DNAAF9: variants seen among roughly 807,000 people sequenced by gnomAD.
The protein encoded by DNAAF9 is shulin.
Under a neutral mutation model 167.0 loss-of-function variants are expected in DNAAF9, and 90 were observed. The ratio of observed to expected loss-of-function variants is 0.54; its 90% confidence interval spans 0.45 to 0.64. DNAAF9 has a LOEUF of 0.64. DNAAF9 is among the 30% of genes least tolerant of loss of function. The pLI is 0.00. For synonymous variants in DNAAF9, 491 were observed against 508.8 expected (o/e 0.96, Z 0.47); for missense variants, 1,315 against 1,442.2 (o/e 0.91, Z 1.43).
chr20:3,271,334 C>T (rs1185549374), intron 29 of DNAAF9, among the ~76,000 whole-genome samples: 4 of 152,086 alleles, frequency 2.6e-5, no homozygotes, highest in African/African-American at 9.7e-5. Context: ...CCACATGATT[C>T]CAAGATAAAT....
At chr20:3,307,830 G>A (rs138064754) in intron 20 of DNAAF9, among the ~76,000 whole-genome samples, 308 of 152,170 alleles carry the variant, frequency 2.0e-3, no homozygotes, top group Middle Eastern at 6.8e-3. Context: ...AAAACTGGCT[G>A]TACAAATAAA....
chr20:3,257,610 C>G (rs1298020486), intron 33 of DNAAF9, among the ~76,000 whole-genome samples: 2 of 152,158 alleles, frequency 1.3e-5, no homozygotes, highest in East Asian at 3.9e-4. Flanking sequence ...GTGGCACAAT[C>G]TCGGCTCACT....
At chr20:3,302,375 T>C (rs1208743036) in intron 21 of DNAAF9, among the ~76,000 whole-genome samples, 1 of 152,196 alleles carries the variant, frequency 6.6e-6, no homozygotes, top group Admixed American at 6.5e-5. Flanking sequence ...AACTCAAACA[T>C]TTATCATTCA....
chr20:3,317,620 A>G (rs1707609257), intron 17 of DNAAF9, among the ~76,000 whole-genome samples: 1 of 150,018 alleles, frequency 6.7e-6, no homozygotes, highest in South Asian at 2.1e-4. Context: ...TTTTTGAGAC[A>G]GAGTCTCACT....
chr20:3,309,741 T>C (rs112283664), intron 20 of DNAAF9, among the ~76,000 whole-genome samples: 6 of 152,292 alleles, frequency 3.9e-5, no homozygotes, highest in African/African-American at 9.6e-5. Flanking sequence ...ATCTAAAATA[T>C]ATGAATCACA....
chr20:3,290,467 G>A (rs1478742609), intron 25 of DNAAF9, among the ~76,000 whole-genome samples: 1 of 152,186 alleles, frequency 6.6e-6, no homozygotes, highest in Non-Finnish European at 1.5e-5. Flanking sequence ...AAAATGTAGT[G>A]TTACTAGTTT....
Position 3,362,270 on chromosome 20 carries a change from C to T in DNAAF9, c.613-2677G>A, listed in dbSNP as rs1180567535. Reference sequence around the variant, plus strand: ...CCTTTCTGGCTTTCTTCGAGTTCTTCCAACAGTTGGAAATTGCAAGGGACT... The same window carrying T: ...CCTTTCTGGCTTTCTTCGAGTTCTTTCAACAGTTGGAAATTGCAAGGGACT... On this transcript the variant is annotated intron_variant, in intron 6 of 36. Coordinates refer to ENST00000252032, the MANE Select transcript of DNAAF9 (RefSeq NM_001009984.3). 3 of 1,300,636 alleles carry T rather than the reference C, an allele frequency of 2.3e-6. 1 individual carries two copies. In the Admixed American group the frequency reaches 5.1e-5, roughly 22 times the overall value. 80.6% of individuals were successfully genotyped at this position (1,300,636 alleles called of 1,614,324 possible).
chr20:3,394,310 G>C (rs1369277928), intron 1 of DNAAF9, among the ~76,000 whole-genome samples: 1 of 149,806 alleles, frequency 6.7e-6, no homozygotes, highest in African/African-American at 2.5e-5. Context: ...TGCACTCCCG[G>C]CCTGGAGACA....
intron 20 of DNAAF9, among the ~76,000 whole-genome samples, chr20:3,313,400 A>G (rs1308147697): frequency 6.6e-6 from 1 of 152,232 alleles, no homozygotes; most frequent in Non-Finnish European, 1.5e-5. Flanking sequence ...TGAACCAGTG[A>G]TCTGAGAACA....
intron 10 of DNAAF9, among the ~76,000 whole-genome samples, chr20:3,339,411 T>A (rs1330991397): frequency 1.3e-5 from 2 of 152,242 alleles, no homozygotes; most frequent in Non-Finnish European, 2.9e-5. Context: ...AGACTTTTAA[T>A]GTGGGATTTT....
At chr20:3,278,988 A>G in intron 28 of DNAAF9, 39 bp from the exon 29 acceptor site, 1 of 1,436,278 alleles carries the variant, frequency 7.0e-7, no homozygotes, top group Non-Finnish European at 9.8e-7. Context: ...AAAACCATTC[A>G]CCTCAGAGTT....
chr20:3,378,309 T>G (rs2083602490), intron 3 of DNAAF9, among the ~76,000 whole-genome samples: 1 of 152,218 alleles, frequency 6.6e-6, no homozygotes. Flanking sequence ...CCAACGATAC[T>G]GCTTGTCCCT....
At chr20:3,379,552 C>T (rs1326885655) in intron 3 of DNAAF9, among the ~76,000 whole-genome samples, 2 of 152,006 alleles carry the variant, frequency 1.3e-5, no homozygotes, top group African/African-American at 4.8e-5. Context: ...CACACCACTG[C>T]ACTCCAGCCT....
At chr20:3,313,286 AG>A (rs2069445833) in intron 20 of DNAAF9, among the ~76,000 whole-genome samples, 1 of 152,232 alleles carries the variant, frequency 6.6e-6, no homozygotes, top group Non-Finnish European at 1.5e-5. Context: ...GCAGAAGTGC[AG>A]GGACAGATGT....
chr20:3,340,595 C>T lies in DNAAF9; in HGVS notation c.890G>A (p.Arg297Gln), dbSNP rs761793763. The change falls in exon 10 of 37, where the codon CGA becomes CAA. Residue 297 changes from arginine (R) to glutamine (Q), a missense_variant. This residue lies in a region of DNAAF9 where 981 missense variants were observed against 1,012.5 expected (regional missense o/e 0.97). Transcript: ENST00000252032. The stretch of plus-strand genomic sequence containing the variant: ...AAAGTTGCCAGCATTCAGGTTTTCT[C>T]GTGTGGAGTGATTACCAAAGAGAAC... ...PFVLFGNHST[R>Q]ENLNAGNFNF... 20 of 1,613,800 alleles carry T rather than the reference C, an allele frequency of 1.2e-5. No individual in the cohort carries two copies. In the East Asian group the frequency reaches 1.3e-4, roughly 11 times the overall value.
At chr20:3,361,954 A>T in intron 6 of DNAAF9, 2 of 1,536,746 alleles carry the variant, frequency 1.3e-6, no homozygotes, top group Non-Finnish European at 1.8e-6. Context: ...AGGCGCCGAA[A>T]CTCTTGCAGG....
intron 4 of DNAAF9, among the ~76,000 whole-genome samples, chr20:3,375,892 C>T (rs2083568948): frequency 6.6e-6 from 1 of 151,636 alleles, no homozygotes; most frequent in African/African-American, 2.4e-5. Flanking sequence ...CACTAATCCC[C>T]TAAGAGATGG....
intron 10 of DNAAF9, among the ~76,000 whole-genome samples, chr20:3,336,268 T>TTTG (rs1555793473): frequency 3.3e-5 from 5 of 149,616 alleles, no homozygotes. Context: ...GTTTTTTTTT[T>TTTG]TTTTTTTGCC....
At position 3,337,396 on chromosome 20, in the gene DNAAF9, C is replaced by T. The variant is rs891392188; in HGVS notation, c.981+3108G>A. Among the ~76,000 whole-genome samples the T allele has an allele frequency of 4.7e-5, 7 of 148,394 alleles. No individual in the cohort carries two copies. The South Asian group carries it at 1.3e-3, about 27-fold the overall frequency. ...CTCCTGCCTCAGCCTCCCAAGCAGC[C>T]GGGACTACAGGCATGTGCCACCACG... On this transcript the variant is annotated intron_variant, in intron 10 of 36. Transcript: ENST00000252032.
Sources: allele counts gnomAD v4.1 joint callset (sites outside exome capture counted in the v4.1 genomes callset), GRCh38; gene constraint gnomAD v4.1.1; regional missense constraint gnomAD v4.1.1; transcripts MANE v1.5; gene names NCBI Gene and HGNC (gene_info 2026-07-23, HGNC 2026-07-21).